The following GREM2 variants were observed in gnomAD, a reference collection of about 807,000 sequenced individuals.
GREM2 encodes gremlin-2.
GREM2 carries 11 observed loss-of-function variants against 14.2 expected under a neutral mutation model. That is an observed-to-expected ratio of 0.78 (90% CI 0.49 to 1.28). The LOEUF (loss-of-function observed/expected upper bound fraction) is 1.28. Ranked by LOEUF, GREM2 falls within the 50% of genes most tolerant of loss-of-function variation. GREM2 has a pLI of 0.00. For missense variants in GREM2, 210 were observed against 218.5 expected (o/e 0.96, Z 0.24); for synonymous variants, 98 against 97.6 (o/e 1.00, Z -0.02).
intron 1 of GREM2, among the ~76,000 whole-genome samples, chr1:240,506,581 G>A (rs1677680945): frequency 6.6e-6 from 1 of 151,960 alleles, no homozygotes; most frequent in Non-Finnish European, 1.5e-5. Context: ...GGGAGTTACG[G>A]GAAAAGTGAA....
chr1:240,520,907 A>T (rs1678069328), intron 1 of GREM2, among the ~76,000 whole-genome samples: 1 of 138,384 alleles, frequency 7.2e-6, no homozygotes. Context: ...TTTTGTCTTC[A>T]TGGGCAAAAA....
At chr1:240,539,971 G>A (rs1678550137) in intron 1 of GREM2, among the ~76,000 whole-genome samples, 1 of 152,092 alleles carries the variant, frequency 6.6e-6, no homozygotes, top group Non-Finnish European at 1.5e-5. Flanking sequence ...GCTAGTCTTG[G>A]TGTCTTATTG....
intron 1 of GREM2, among the ~76,000 whole-genome samples, chr1:240,498,550 C>T (rs1387815752): frequency 6.6e-6 from 1 of 152,204 alleles, no homozygotes; most frequent in Non-Finnish European, 1.5e-5. Flanking sequence ...TGGCCCTTGG[C>T]TGTGCAGAGT....
At chr1:240,569,588 T>A (rs2103361534) in intron 1 of GREM2, among the ~76,000 whole-genome samples, 1 of 152,332 alleles carries the variant, frequency 6.6e-6, no homozygotes, top group East Asian at 1.9e-4. Flanking sequence ...AAAGGCAATT[T>A]GTTAGAGAAC....
chr1:240,494,445 G>A (rs577009040), intron 1 of GREM2, among the ~76,000 whole-genome samples: 24 of 152,288 alleles, frequency 1.6e-4, no homozygotes, highest in South Asian at 8.3e-4. Flanking sequence ...GATGGGTGTC[G>A]TTCACAAGTT....
intron 1 of GREM2, among the ~76,000 whole-genome samples, chr1:240,574,153 C>T (rs1679312480): frequency 6.6e-6 from 1 of 152,046 alleles, no homozygotes; most frequent in South Asian, 2.1e-4. Flanking sequence ...AATTCCTGAC[C>T]TTGTGATCTG....
At chr1:240,537,711 G>A (rs1166015123) in intron 1 of GREM2, among the ~76,000 whole-genome samples, 1 of 152,192 alleles carries the variant, frequency 6.6e-6, no homozygotes, top group Admixed American at 6.5e-5. Flanking sequence ...CTTGAATCCA[G>A]GAGGCGGAGG....
chr1:240,548,097 A>G (rs1486246718), intron 1 of GREM2, among the ~76,000 whole-genome samples: 2 of 132,488 alleles, frequency 1.5e-5, no homozygotes, highest in South Asian at 2.4e-4. Flanking sequence ...CCCCATCTCA[A>G]CTAAAAATTT....
intron 1 of GREM2, among the ~76,000 whole-genome samples, chr1:240,605,543 A>AT: frequency 6.6e-6 from 1 of 152,126 alleles, no homozygotes; most frequent in Non-Finnish European, 1.5e-5. Flanking sequence ...CCTTATAGAG[A>AT]TTTTTTAAAA....
Position 240,540,464 on chromosome 1 carries a change from A to G in GREM2, c.-1-46988T>C, listed in dbSNP as rs78025110. On this transcript the variant is annotated intron_variant, in intron 1 of 1. Coordinates refer to ENST00000318160, the MANE Select transcript of GREM2 (RefSeq NM_022469.4). This position sits in a 1 kb window ranked among gnomAD's most constrained non-coding sequence, Gnocchi z 4.2. ...GGGCTGTTTCCTAGAGCACATATTG[A>G]TTTAAAACTGAACTGAGAGATTGTG... Among the ~76,000 whole-genome samples the G allele has an allele frequency of 0.029, 4,447 of 152,240 alleles. 181 individuals carry two copies. The highest frequency in any genetic ancestry group is 0.1 in the African/African-American group (4,134 of 41,542).
chr1:240,540,567 C>CT lies in GREM2; in HGVS notation c.-1-47092dup, dbSNP rs113815795. Among the ~76,000 whole-genome samples the CT allele has an allele frequency of 0.032, 4,574 of 143,068 alleles. 160 individuals carry two copies. Among genetic ancestry groups the CT allele is most frequent in the African/African-American group, 0.099 (3,902 of 39,260 alleles). 93.9% of individuals were successfully genotyped at this position (143,068 alleles called of 152,430 possible). A position where few individuals can be genotyped will look rare whatever the true frequency, so the allele number is the denominator to read the frequency against. ...GTAAGTCAAAAGAAGAATGGTACTT[C>CT]TTTTTTTTTTTTTTGAGATGGAGTC... On this transcript the variant is annotated intron_variant, in intron 1 of 1. Coordinates refer to ENST00000318160, the MANE Select transcript of GREM2 (RefSeq NM_022469.4). The surrounding 1 kb of genome is among the most constrained non-coding windows in gnomAD (Gnocchi z 4.2).
chr1:240,555,150 A>AAAAG (rs139334582), intron 1 of GREM2, among the ~76,000 whole-genome samples: 4,836 of 150,708 alleles, frequency 0.032, 151 homozygotes, highest in East Asian at 0.12. Flanking sequence ...CATCTCAAAA[A>AAAAG]AAAGAAAGAA....
intron 1 of GREM2, among the ~76,000 whole-genome samples, chr1:240,527,311 T>C (rs574139820): frequency 6.6e-6 from 1 of 152,328 alleles, no homozygotes; most frequent in Non-Finnish European, 1.5e-5. Context: ...TGAAACTATT[T>C]ATAGGACTCA....
Position 240,548,014 on chromosome 1 carries a change from C to T in GREM2, c.-1-54538G>A, listed in dbSNP as rs188983852. Reference sequence around the variant, plus strand: ...TGGTGGCTCACACCTGTAATCCCAACGGTTTGGGAGGCCAAGGTGGGTGGA... The same window carrying T: ...TGGTGGCTCACACCTGTAATCCCAATGGTTTGGGAGGCCAAGGTGGGTGGA... On this transcript the variant is annotated intron_variant, in intron 1 of 1. Transcript: ENST00000318160. 1.3e-3 allele frequency among the ~76,000 whole-genome samples: 204 copies of T among 151,572 alleles called. 5 individuals are homozygous for T. The highest frequency in any genetic ancestry group is 0.012 in the Admixed American group (187 of 15,186).
chr1:240,602,114 A>G (rs1020538597), intron 1 of GREM2, among the ~76,000 whole-genome samples: 1 of 152,188 alleles, frequency 6.6e-6, no homozygotes, highest in African/African-American at 2.4e-5. Context: ...AGAAGTTCTC[A>G]GCTTAGGTAC....
intron 1 of GREM2, among the ~76,000 whole-genome samples, chr1:240,495,952 T>G (rs1025164631): frequency 1.3e-4 from 19 of 149,288 alleles, no homozygotes; most frequent in Non-Finnish European, 2.4e-4. Context: ...TTTTTGTTTT[T>G]TTTTTGATGG....
At chr1:240,514,801 G>A (rs748031358) in intron 1 of GREM2, among the ~76,000 whole-genome samples, 19 of 152,142 alleles carry the variant, frequency 1.2e-4, no homozygotes, top group African/African-American at 3.9e-4. Flanking sequence ...TCAGGAGGCC[G>A]AGGCAGAAGG....
At chr1:240,567,357 A>T (rs1472672717) in intron 1 of GREM2, among the ~76,000 whole-genome samples, 1 of 152,168 alleles carries the variant, frequency 6.6e-6, no homozygotes, top group Non-Finnish European at 1.5e-5. Context: ...CAAACACAAG[A>T]AAACTGAAAC....
intron 1 of GREM2, among the ~76,000 whole-genome samples, chr1:240,539,590 T>C (rs1157273288): frequency 6.6e-6 from 1 of 152,194 alleles, no homozygotes; most frequent in African/African-American, 2.4e-5. Flanking sequence ...CATAAGCATT[T>C]CTGGGACTTT....
Sources: allele counts gnomAD v4.1 joint callset (sites outside exome capture counted in the v4.1 genomes callset), GRCh38; gene constraint gnomAD v4.1.1; non-coding constraint Gnocchi (gnomAD v3.1); transcripts MANE v1.5; gene names NCBI Gene and HGNC (gene_info 2026-07-23, HGNC 2026-07-21).